The following FRMD4A variants were observed in gnomAD, a reference collection of about 807,000 sequenced individuals.
The protein encoded by FRMD4A is FERM domain-containing protein 4A.
Under a neutral mutation model 129.1 loss-of-function variants are expected in FRMD4A, and 29 were observed. That is an observed-to-expected ratio of 0.22 (90% CI 0.17 to 0.31). FRMD4A has a LOEUF of 0.31. Among genes scored for constraint, FRMD4A ranks in the 10% least tolerant of loss-of-function variants. The pLI is 1.00. For synonymous variants in FRMD4A, 634 were observed against 571.6 expected (o/e 1.11, Z -1.56); for missense variants, 1,272 against 1,375.8 (o/e 0.92, Z 1.19).
In FRMD4A at chr10:13,679,488, C is replaced by A. The variant is rs868737100; in HGVS notation, c.1118-4444G>T. On this transcript the variant is annotated intron_variant, in intron 15 of 24. Transcript: ENST00000357447. ...ATATATATATATACACACACACACA[C>A]ACACACACACACACACACACACAGT... Among the ~76,000 whole-genome samples, 496 of 118,662 alleles carry A rather than the reference C, an allele frequency of 4.2e-3. 12 individuals are homozygous for A. Among genetic ancestry groups the A allele is most frequent in the Middle Eastern group, 0.029 (6 of 206 alleles). 77.8% of individuals were successfully genotyped at this position (118,662 alleles called of 152,430 possible).
intron 2 of FRMD4A, among the ~76,000 whole-genome samples, chr10:14,124,293 G>C (rs1433804338): frequency 2.0e-5 from 3 of 152,190 alleles, no homozygotes; most frequent in Non-Finnish European, 4.4e-5. Context: ...CAGGTGCCAT[G>C]ATCATTGCCT....
chr10:13,863,809 G>C (rs2094326508), intron 2 of FRMD4A, among the ~76,000 whole-genome samples: 1 of 151,686 alleles, frequency 6.6e-6, no homozygotes, highest in Admixed American at 6.6e-5. Context: ...AAAGATGAGT[G>C]ACCCTATTTG....
At chr10:13,884,186 A>ACTCACACACACTCACACACTCACT (rs1554956520) in intron 2 of FRMD4A, among the ~76,000 whole-genome samples, 3 of 109,654 alleles carry the variant, frequency 2.7e-5, no homozygotes, top group African/African-American at 1.1e-4. Flanking sequence ...TCACACACAC[A>ACTCACACACACTCACACACTCACT]CACACACACT....
intron 4 of FRMD4A, among the ~76,000 whole-genome samples, chr10:13,806,235 C>T (rs1799963951): frequency 6.6e-6 from 1 of 152,000 alleles, no homozygotes; most frequent in African/African-American, 2.4e-5. Flanking sequence ...AGGGATCCTC[C>T]CACTTTGGAC....
At chr10:13,918,263 T>A (rs1473996896) in intron 2 of FRMD4A, among the ~76,000 whole-genome samples, 1 of 152,180 alleles carries the variant, frequency 6.6e-6, no homozygotes, top group Admixed American at 6.5e-5. Flanking sequence ...TGGAACATAC[T>A]AGGCTCAATA....
At chr10:14,169,653 A>T (rs980929323) in intron 2 of FRMD4A, among the ~76,000 whole-genome samples, 1 of 152,150 alleles carries the variant, frequency 6.6e-6, no homozygotes, top group Non-Finnish European at 1.5e-5. Flanking sequence ...CTTTCTTGGA[A>T]CACTATCTCA....
chr10:14,177,523 T>A (rs1204334060), intron 2 of FRMD4A, among the ~76,000 whole-genome samples: 1 of 152,152 alleles, frequency 6.6e-6, no homozygotes, highest in Non-Finnish European at 1.5e-5. Flanking sequence ...AAAAAAAATA[T>A]ATCTCTGGTA....
At chr10:14,235,713 G>A (rs1270560842) in intron 2 of FRMD4A, among the ~76,000 whole-genome samples, 5 of 152,154 alleles carry the variant, frequency 3.3e-5, no homozygotes, top group Non-Finnish European at 5.9e-5. Flanking sequence ...CGTTGCAGCC[G>A]TCACAAAAAT....
At chr10:13,894,402 T>G (rs2094734524) in intron 2 of FRMD4A, among the ~76,000 whole-genome samples, 1 of 152,130 alleles carries the variant, frequency 6.6e-6, no homozygotes, top group Non-Finnish European at 1.5e-5. Flanking sequence ...AGTCTTATCT[T>G]TTGCCACCCA....
rs139834843 is a variant in FRMD4A at position 13,793,547 on chromosome 10, T to C, written c.299+2949A>G. Among the ~76,000 whole-genome samples the C allele has an allele frequency of 4.2e-3, 634 of 152,204 alleles. 1 individual carries two copies. The highest frequency in any genetic ancestry group is 6.9e-3 in the Non-Finnish European group (472 of 68,008). On this transcript the variant is annotated intron_variant, in intron 5 of 24. Transcript: ENST00000357447. Reference sequence around the variant, plus strand: ...ACATGTGGTATGTAGATGTAATATATAGACATTTACACCAAAGGAGAAAGG... The same window carrying C: ...ACATGTGGTATGTAGATGTAATATACAGACATTTACACCAAAGGAGAAAGG...
intron 2 of FRMD4A, among the ~76,000 whole-genome samples, chr10:14,147,045 T>C (rs1840108549): frequency 6.6e-6 from 1 of 152,202 alleles, no homozygotes; most frequent in Admixed American, 6.5e-5. Context: ...AGGTATAAAT[T>C]AGAAATAAAC....
At chr10:14,282,984 G>C (rs1047627528) in intron 2 of FRMD4A, among the ~76,000 whole-genome samples, 6 of 152,190 alleles carry the variant, frequency 3.9e-5, no homozygotes, top group African/African-American at 1.4e-4. Context: ...TTATTAAAGT[G>C]CATCGCTCCA....
intron 3 of FRMD4A, among the ~76,000 whole-genome samples, chr10:13,822,028 T>G (rs968552885): frequency 6.6e-6 from 1 of 152,050 alleles, no homozygotes; most frequent in Non-Finnish European, 1.5e-5. Flanking sequence ...GTAAAAGTGG[T>G]CACTGACAGA....
chr10:14,242,594 G>T (rs991518741), intron 2 of FRMD4A, among the ~76,000 whole-genome samples: 2 of 152,192 alleles, frequency 1.3e-5, no homozygotes, highest in African/African-American at 4.8e-5. Flanking sequence ...TGCCTCTAGT[G>T]CATGACCTCT....
At chr10:14,102,957 C>G (rs558995061) in intron 2 of FRMD4A, among the ~76,000 whole-genome samples, 2 of 152,252 alleles carry the variant, frequency 1.3e-5, no homozygotes, top group African/African-American at 2.4e-5. Flanking sequence ...TGTGGGGCAA[C>G]CTGTCACAGC....
At chr10:13,800,047 T>C (rs957532616) in intron 4 of FRMD4A, among the ~76,000 whole-genome samples, 2 of 151,540 alleles carry the variant, frequency 1.3e-5, no homozygotes, top group African/African-American at 4.8e-5. Flanking sequence ...CCAGGCGTGG[T>C]GGCACATGCC....
chr10:14,177,308 G>T (rs58301948), intron 2 of FRMD4A, among the ~76,000 whole-genome samples: 25 of 151,828 alleles, frequency 1.6e-4, no homozygotes, highest in African/African-American at 5.8e-4. Context: ...AGTGATTCCC[G>T]TGCCTCAGCC....
In FRMD4A at chr10:14,268,954, G is replaced by A. The variant is rs574757585; in HGVS notation, c.45+61104C>T. 5.6e-4 allele frequency among the ~76,000 whole-genome samples: 86 copies of A among 152,356 alleles called. 1 individual carries two copies. The South Asian group carries it at 0.012, about 21-fold the overall frequency. On this transcript the variant is annotated intron_variant, in intron 2 of 24. Transcript: ENST00000357447. ...ATTGGGTAATGATTACCCACTAAGCGTATGCCGTTAGGATGAAAGCCAGTG... is the reference window on the plus strand; with the variant it reads ...ATTGGGTAATGATTACCCACTAAGCATATGCCGTTAGGATGAAAGCCAGTG...
intron 3 of FRMD4A, among the ~76,000 whole-genome samples, chr10:13,817,292 G>C (rs926932765): frequency 3.3e-5 from 5 of 152,210 alleles, no homozygotes; most frequent in African/African-American, 1.2e-4. Context: ...ACCCAGATCT[G>C]AGTTCTTGAG....
Sources: allele counts gnomAD v4.1 joint callset (sites outside exome capture counted in the v4.1 genomes callset), GRCh38; gene constraint gnomAD v4.1.1; transcripts MANE v1.5; gene names NCBI Gene and HGNC (gene_info 2026-07-23, HGNC 2026-07-21).